Variants in MYRIP observed in about 807,000 individuals in gnomAD.
The protein encoded by MYRIP is myosin VIIA and Rab interacting protein.
In MYRIP, 49 loss-of-function variants were observed where a neutral mutation model predicts 98.0. That is an observed-to-expected ratio of 0.50 (90% CI 0.40 to 0.63). The LOEUF is 0.63. Ranked by LOEUF, MYRIP falls within the 30% of genes least tolerant of loss-of-function variation. The pLI, the probability that MYRIP is intolerant of heterozygous loss-of-function variation, is 0.00. For synonymous variants in MYRIP, 404 were observed against 409.5 expected, an observed-to-expected ratio of 0.99 and a Z score of 0.16; for missense variants, 1,004 against 1,058.2, an observed-to-expected ratio of 0.95 and a Z score of 0.71.
intron 3 of MYRIP, among the ~76,000 whole-genome samples, chr3:40,064,284 A>C (rs1354467194): frequency 1.3e-5 from 2 of 151,724 alleles, no homozygotes; most frequent in Non-Finnish European, 2.9e-5. Flanking sequence ...CCAAACCCAG[A>C]TTTTGGACTC....
At chr3:40,079,587 A>C (rs1258277285) in intron 3 of MYRIP, among the ~76,000 whole-genome samples, 1 of 152,240 alleles carries the variant, frequency 6.6e-6, no homozygotes, top group Non-Finnish European at 1.5e-5. Context: ...GTACACAAGA[A>C]AGCAATGAAT....
intron 3 of MYRIP, among the ~76,000 whole-genome samples, chr3:40,077,042 G>A (rs2125864988): frequency 6.6e-6 from 1 of 152,280 alleles, no homozygotes; most frequent in South Asian, 2.1e-4. Flanking sequence ...CCCTTGCGGT[G>A]AGTGTTACAG....
chr3:40,050,097 G>C (rs1947758749), intron 3 of MYRIP, among the ~76,000 whole-genome samples: 1 of 152,168 alleles, frequency 6.6e-6, no homozygotes, highest in African/African-American at 2.4e-5. Flanking sequence ...GGAGCTGCAG[G>C]TTATCCAGAA....
intron 11 of MYRIP, among the ~76,000 whole-genome samples, chr3:40,223,267 A>C (rs924688691): frequency 6.6e-6 from 1 of 152,228 alleles, no homozygotes; most frequent in East Asian, 1.9e-4. Context: ...ATAGTCAAAA[A>C]TAGTTTAGAA....
chr3:40,106,070 C>A (rs1949044655), intron 3 of MYRIP, among the ~76,000 whole-genome samples: 1 of 151,834 alleles, frequency 6.6e-6, no homozygotes, highest in Middle Eastern at 3.4e-3. Context: ...GGGATTACAA[C>A]TGAACAGGAG....
chr3:40,106,038 C>T (rs1002397822), intron 3 of MYRIP, among the ~76,000 whole-genome samples: 2 of 152,036 alleles, frequency 1.3e-5, no homozygotes, highest in African/African-American at 4.8e-5. Flanking sequence ...TCACCTCCCA[C>T]CAGACCCCAC....
chr3:39,924,826 A>G (rs1419681110), intron 2 of MYRIP, among the ~76,000 whole-genome samples: 1 of 152,000 alleles, frequency 6.6e-6, no homozygotes, highest in Non-Finnish European at 1.5e-5. Context: ...AAATCTACAA[A>G]CACACTGAAA....
At chr3:40,000,434 T>C (rs1946492892) in intron 2 of MYRIP, among the ~76,000 whole-genome samples, 2 of 152,294 alleles carry the variant, frequency 1.3e-5, no homozygotes, top group South Asian at 2.1e-4. Flanking sequence ...CCCCATGTCA[T>C]GGCCGATTTG....
At chr3:39,872,696 C>G (rs1413584733) in intron 1 of MYRIP, among the ~76,000 whole-genome samples, 1 of 151,962 alleles carries the variant, frequency 6.6e-6, no homozygotes, top group Non-Finnish European at 1.5e-5. Flanking sequence ...CATAGTATTC[C>G]ATGGTGTATA....
intron 1 of MYRIP, among the ~76,000 whole-genome samples, chr3:39,896,777 T>A (rs1047181211): frequency 6.6e-6 from 1 of 152,244 alleles, no homozygotes; most frequent in African/African-American, 2.4e-5. Flanking sequence ...GGTACTTTAA[T>A]AGAATATCAC....
intron 16 of MYRIP, among the ~76,000 whole-genome samples, chr3:40,256,300 ATAAC>A (rs1233059632): frequency 2.0e-5 from 3 of 152,222 alleles, no homozygotes; most frequent in Non-Finnish European, 4.4e-5. Context: ...ACACTTCAAA[ATAAC>A]TACTGAATTA....
chr3:40,086,388 C>T (rs894221743), intron 3 of MYRIP, among the ~76,000 whole-genome samples: 1 of 152,148 alleles, frequency 6.6e-6, no homozygotes, highest in Non-Finnish European at 1.5e-5. Flanking sequence ...CTTGCTTTTC[C>T]CTCTGTAGAG....
chr3:39,981,124 G>A lies in MYRIP; in HGVS notation c.111-62926G>A, dbSNP rs1257915611. Among the ~76,000 whole-genome samples, 3 of 152,152 alleles carry A rather than the reference G, an allele frequency of 2.0e-5. No individual in the cohort carries two copies. The East Asian group carries it at 5.8e-4, about 29-fold the overall frequency. On this transcript the variant is annotated intron_variant, in intron 2 of 16. Coordinates refer to ENST00000302541, the MANE Select transcript of MYRIP (RefSeq NM_015460.4). ...GTATTAGGTTAAAGTTTGAGATGTGGCATATGACTTTTCTGGCTCCAGAGA... is the reference window on the plus strand; with the variant it reads ...GTATTAGGTTAAAGTTTGAGATGTGACATATGACTTTTCTGGCTCCAGAGA...
In MYRIP at chr3:39,955,925, C is replaced by G. The variant is rs140815009; in HGVS notation, c.110+54999C>G. ...TTAAATCAACAAAGATCAAAAGAGA[C>G]AAACAAGGCCATTATATAATGGTAA... On this transcript the variant is annotated intron_variant, in intron 2 of 16. Coordinates refer to ENST00000302541, the MANE Select transcript of MYRIP (RefSeq NM_015460.4). 7.7e-3 allele frequency among the ~76,000 whole-genome samples: 1,173 copies of G among 152,212 alleles called. 33 individuals carry two copies. The highest frequency in any genetic ancestry group is 0.065 in the Admixed American group (997 of 15,290).
At chr3:39,984,598 TC>T (rs1648053766) in intron 2 of MYRIP, among the ~76,000 whole-genome samples, 1 of 152,230 alleles carries the variant, frequency 6.6e-6, no homozygotes, top group South Asian at 2.1e-4. Context: ...GGTGTATATG[TC>T]CCACATTTTC....
intron 8 of MYRIP, among the ~76,000 whole-genome samples, chr3:40,171,529 CAGA>C (rs540302787): frequency 6.6e-6 from 1 of 152,238 alleles, no homozygotes; most frequent in South Asian, 2.1e-4. Flanking sequence ...TGGGGAGATC[CAGA>C]AAGTAGAAAT....
chr3:40,219,601 T>TG (rs1158421129), intron 11 of MYRIP, among the ~76,000 whole-genome samples: 1 of 152,168 alleles, frequency 6.6e-6, no homozygotes, highest in Non-Finnish European at 1.5e-5. Context: ...TTTTTGTCCT[T>TG]GCGATAGTTT....
At chr3:39,957,182 G>T (rs1322515169) in intron 2 of MYRIP, among the ~76,000 whole-genome samples, 1 of 151,712 alleles carries the variant, frequency 6.6e-6, no homozygotes, top group African/African-American at 2.4e-5. Flanking sequence ...CATTTTATGA[G>T]GCCAGCATCA....
At chr3:40,084,223 A>G (rs1052099441) in intron 3 of MYRIP, among the ~76,000 whole-genome samples, 3 of 146,068 alleles carry the variant, frequency 2.1e-5, no homozygotes, top group Non-Finnish European at 4.5e-5. Context: ...TTATATATAT[A>G]TTATATATGT....
Sources: gnomAD v4.1 joint callset for allele counts (sites outside exome capture counted in the v4.1 genomes callset) on GRCh38, gnomAD v4.1.1 for gene constraint, MANE v1.5 for transcripts, NCBI Gene and HGNC (gene_info 2026-07-23, HGNC 2026-07-21) for gene names.